EYA2: variants seen among roughly 807,000 people sequenced by gnomAD.
EYA2 encodes EYA transcriptional coactivator and phosphatase 2.
In EYA2, 31 loss-of-function variants were observed where a neutral mutation model predicts 69.2. The observed-to-expected ratio is 0.45, with a 90% CI of 0.34 to 0.60. The LOEUF (loss-of-function observed/expected upper bound fraction) is 0.60, where lower values mean the gene tolerates loss of function less well. Ranked by LOEUF, EYA2 falls within the 20% of genes least tolerant of loss-of-function variation. The pLI is 0.02. For synonymous variants in EYA2, 257 were observed against 279.4 expected (o/e 0.92, Z 0.80); for missense variants, 622 against 701.2 (o/e 0.89, Z 1.28).
At chr20:47,051,158 C>T (rs778907695) in intron 5 of EYA2, among the ~76,000 whole-genome samples, 2 of 152,260 alleles carry the variant, frequency 1.3e-5, no homozygotes, top group Non-Finnish European at 2.9e-5. Context: ...CTTTCCCTCT[C>T]GTTGAGCACT....
intron 12 of EYA2, among the ~76,000 whole-genome samples, chr20:47,173,509 T>TTAAAA (rs1555834800): frequency 1.2e-5 from 1 of 83,650 alleles, no homozygotes; most frequent in East Asian, 3.9e-4. Flanking sequence ...TGAGACCCCG[T>TTAAAA]AAAAAAAAAA....
chr20:46,956,397 A>G (rs1031556485), intron 1 of EYA2, among the ~76,000 whole-genome samples: 7 of 152,202 alleles, frequency 4.6e-5, no homozygotes, highest in Non-Finnish European at 7.3e-5. Flanking sequence ...TAACACAGTC[A>G]CAATGGATCT....
chr20:47,173,331 C>G (rs1226143545), intron 12 of EYA2, among the ~76,000 whole-genome samples: 1 of 151,712 alleles, frequency 6.6e-6, no homozygotes, highest in African/African-American at 2.4e-5. Context: ...TCCAGAATCC[C>G]CCTGGAATCG....
At position 47,182,628 on chromosome 20, in the gene EYA2, T is replaced by TCAAA. The variant is rs779945744; in HGVS notation, c.1436-663_1436-662insCAAA. On this transcript the variant is annotated intron_variant, in intron 14 of 15. Transcript: ENST00000327619. ...TGGGCAACAAGAACGAGACTCCGTC[T>TCAAA]AAAAAAAAAAAAAAAAGGTTAAGAT... 6.9e-4 allele frequency among the ~76,000 whole-genome samples: 58 copies of TCAAA among 84,324 alleles called. 3 individuals carry two copies. Among genetic ancestry groups the TCAAA allele is most frequent in the African/African-American group, 8.5e-4 (13 of 15,300 alleles). The allele number at this position is 84,324 out of a possible 152,430, so 55.3% of individuals were successfully genotyped here. A position where few individuals can be genotyped will look rare whatever the true frequency, so the allele number is the denominator to read the frequency against.
intron 10 of EYA2, among the ~76,000 whole-genome samples, chr20:47,149,688 C>CAAA (rs59780173): frequency 5.8e-5 from 6 of 102,694 alleles, no homozygotes; most frequent in Admixed American, 1.2e-4. Context: ...ACTAAAAATA[C>CAAA]AAAAAAAAAA....
At chr20:46,957,529 TCACACACACA>T (rs74176892) in intron 1 of EYA2, among the ~76,000 whole-genome samples, 1,609 of 19,982 alleles carry the variant, frequency 0.081, 23 homozygotes, top group African/African-American at 0.21. Context: ...GAAGGAGATT[TCACACACACA>T]CACACACACA....
chr20:47,036,036 G>A (rs140162790), intron 5 of EYA2, among the ~76,000 whole-genome samples: 1,626 of 152,218 alleles, frequency 0.011, 18 homozygotes, highest in Non-Finnish European at 0.018. Context: ...CAATGCTCAC[G>A]CTGAATGAGG....
At chr20:47,143,214 GA>G in intron 10 of EYA2, 66 bp downstream of exon 10, 1 of 1,287,212 alleles carries the variant, frequency 7.8e-7, no homozygotes, top group Non-Finnish European at 1.1e-6. Flanking sequence ...TTTATGGGAA[GA>G]AGGATGCTGC....
At chr20:46,973,727 A>G (rs905340448) in intron 1 of EYA2, among the ~76,000 whole-genome samples, 7 of 151,996 alleles carry the variant, frequency 4.6e-5, no homozygotes, top group Non-Finnish European at 1.0e-4. Context: ...CTGCTTTTGT[A>G]TATGTTGGAA....
At chr20:47,042,463 A>G (rs1210324710) in intron 5 of EYA2, among the ~76,000 whole-genome samples, 1 of 152,220 alleles carries the variant, frequency 6.6e-6, no homozygotes, top group Non-Finnish European at 1.5e-5. Context: ...AACTGGACTT[A>G]AGGCTTAAGT....
intron 9 of EYA2, among the ~76,000 whole-genome samples, chr20:47,121,503 A>G (rs1448112404): frequency 1.3e-5 from 2 of 152,188 alleles, no homozygotes; most frequent in African/African-American, 4.8e-5. Context: ...GTATGTGTAC[A>G]GCTAAAAAAC....
At chr20:47,186,601 C>T (rs1379554613) in intron 15 of EYA2, among the ~76,000 whole-genome samples, 1 of 151,952 alleles carries the variant, frequency 6.6e-6, no homozygotes, top group Non-Finnish European at 1.5e-5. Context: ...TCAGGTAGTC[C>T]ACCCGCCTTG....
intron 13 of EYA2, 53 bp from the exon 14 acceptor site, chr20:47,180,762 G>C: frequency 6.3e-7 from 1 of 1,597,190 alleles, no homozygotes; most frequent in Non-Finnish European, 8.5e-7. Flanking sequence ...GCAAGAGGAG[G>C]CCTGGCCTTG....
chr20:47,036,092 C>A (rs1237255559), intron 5 of EYA2, among the ~76,000 whole-genome samples: 1 of 152,208 alleles, frequency 6.6e-6, no homozygotes, highest in Non-Finnish European at 1.5e-5. Flanking sequence ...CCAGTATTCA[C>A]TCCCTTGGTC....
chr20:47,002,950 A>G (rs1982472510), intron 3 of EYA2, among the ~76,000 whole-genome samples: 1 of 152,244 alleles, frequency 6.6e-6, no homozygotes, highest in South Asian at 2.1e-4. Context: ...ATAATTCCAT[A>G]AACTTTTGCA....
At chr20:46,954,519 G>T (rs928169686) in intron 1 of EYA2, among the ~76,000 whole-genome samples, 1 of 152,210 alleles carries the variant, frequency 6.6e-6, no homozygotes, top group African/African-American at 2.4e-5. Flanking sequence ...TGCGTAGCAC[G>T]CAGTCTCCTG....
intron 5 of EYA2, among the ~76,000 whole-genome samples, chr20:47,021,004 C>G (rs1011282368): frequency 1.2e-4 from 19 of 152,184 alleles, no homozygotes; most frequent in African/African-American, 4.6e-4. Flanking sequence ...CTCAGTCCTC[C>G]AGTTTCCTTC....
At chr20:47,084,699 A>G (rs556318237) in intron 7 of EYA2, among the ~76,000 whole-genome samples, 3 of 152,294 alleles carry the variant, frequency 2.0e-5, no homozygotes, top group East Asian at 1.9e-4. Flanking sequence ...AGACACCACT[A>G]CATACCCACT....
intron 5 of EYA2, among the ~76,000 whole-genome samples, chr20:47,047,396 C>CTTTTTTTTTTT (rs775373584): frequency 0.025 from 3,659 of 148,036 alleles, 173 homozygotes; most frequent in African/African-American, 0.083. Context: ...CTCTCTCTCT[C>CTTTTTTTTTTT]TTTTTTTTGA....
Sources: allele counts gnomAD v4.1 joint callset (sites outside exome capture counted in the v4.1 genomes callset), GRCh38; gene constraint gnomAD v4.1.1; transcripts MANE v1.5; gene names NCBI Gene and HGNC (gene_info 2026-07-23, HGNC 2026-07-21).